Variants in TGFBR3 observed in about 807,000 individuals in gnomAD.
The protein encoded by TGFBR3 is transforming growth factor beta receptor 3, also known as transforming growth factor beta receptor type 3.
In TGFBR3, 46 loss-of-function variants were observed where a neutral mutation model predicts 87.9. The observed-to-expected ratio is 0.52, with a 90% CI of 0.41 to 0.67. The LOEUF (loss-of-function observed/expected upper bound fraction) is 0.67. Ranked by LOEUF, TGFBR3 falls within the 30% of genes least tolerant of loss-of-function variation. TGFBR3 has a pLI of 0.00. For synonymous variants in TGFBR3, 381 were observed against 391.6 expected, an observed-to-expected ratio of 0.97 and a Z score of 0.32; for missense variants, 866 against 1,041.9, an observed-to-expected ratio of 0.83 and a Z score of 2.32.
At chr1:91,701,757 A>G (rs1041807360) in intron 14 of TGFBR3, among the ~76,000 whole-genome samples, 1 of 152,170 alleles carries the variant, frequency 6.6e-6, no homozygotes, top group African/African-American at 2.4e-5. Flanking sequence ...AAGACGTCCA[A>G]CTGGTACCCA....
chr1:91,746,867 C>T (rs941291029), intron 4 of TGFBR3, among the ~76,000 whole-genome samples: 44 of 152,184 alleles, frequency 2.9e-4, no homozygotes, highest in African/African-American at 9.9e-4. Flanking sequence ...GACCTGGTTT[C>T]TCACTCTAGA....
At chr1:91,713,991 A>G (rs759210286) in intron 12 of TGFBR3, among the ~76,000 whole-genome samples, 17 of 150,574 alleles carry the variant, frequency 1.1e-4, no homozygotes, top group Non-Finnish European at 2.2e-4. Context: ...GGGAAAAAAT[A>G]TATATTATTT....
intron 1 of TGFBR3, among the ~76,000 whole-genome samples, chr1:91,868,703 T>C (rs1678474167): frequency 6.6e-6 from 1 of 152,160 alleles, no homozygotes; most frequent in Non-Finnish European, 1.5e-5. Context: ...TCGAGCAAAA[T>C]TCAGCATATC....
chr1:91,865,778 G>A (rs1678372432), intron 1 of TGFBR3, among the ~76,000 whole-genome samples: 1 of 152,048 alleles, frequency 6.6e-6, no homozygotes, highest in Non-Finnish European at 1.5e-5. Flanking sequence ...CGGGCGCGGT[G>A]GCAGGCACCT....
intron 4 of TGFBR3, among the ~76,000 whole-genome samples, chr1:91,753,873 A>G (rs552094966): frequency 7.4e-4 from 113 of 152,246 alleles, no homozygotes; most frequent in African/African-American, 2.6e-3. Context: ...GGTTGTTTCC[A>G]CTTTTTGGTT....
At chr1:91,715,624 C>T (rs1672138596) in intron 12 of TGFBR3, among the ~76,000 whole-genome samples, 1 of 152,036 alleles carries the variant, frequency 6.6e-6, no homozygotes, top group South Asian at 2.1e-4. Flanking sequence ...ACTCCAGATT[C>T]CAGATTTAGG....
intron 2 of TGFBR3, among the ~76,000 whole-genome samples, chr1:91,851,515 T>C (rs183649420): frequency 1.4e-3 from 209 of 152,190 alleles, no homozygotes; most frequent in African/African-American, 4.7e-3. Flanking sequence ...TGCTCCTACA[T>C]CACTTCCAAA....
At chr1:91,732,037 C>A (rs79431786) in intron 5 of TGFBR3, among the ~76,000 whole-genome samples, 1 of 152,098 alleles carries the variant, frequency 6.6e-6, no homozygotes, top group Non-Finnish European at 1.5e-5. Flanking sequence ...AAGGGGAATT[C>A]CCGGGTAGAA....
chr1:91,755,477 C>T (rs1673708360), intron 4 of TGFBR3, among the ~76,000 whole-genome samples: 1 of 152,158 alleles, frequency 6.6e-6, no homozygotes, highest in South Asian at 2.1e-4. Context: ...AGGAAGCCTG[C>T]TGGACAACAA....
intron 14 of TGFBR3, among the ~76,000 whole-genome samples, chr1:91,702,985 C>A (rs1340338356): frequency 6.6e-6 from 1 of 152,064 alleles, no homozygotes; most frequent in Non-Finnish European, 1.5e-5. Flanking sequence ...GCGGAGGTTG[C>A]AGTGAGCCGA....
intron 4 of TGFBR3, among the ~76,000 whole-genome samples, chr1:91,751,104 T>C (rs889374355): frequency 1.1e-4 from 17 of 152,170 alleles, no homozygotes; most frequent in Admixed American, 7.9e-4. Context: ...GTTGGATGAA[T>C]GAACAAGCAC....
intron 3 of TGFBR3, among the ~76,000 whole-genome samples, chr1:91,762,677 C>T (rs955527473): frequency 6.6e-6 from 1 of 152,210 alleles, no homozygotes; most frequent in Non-Finnish European, 1.5e-5. Flanking sequence ...TCTGCCACAT[C>T]CCTTATGTAA....
intron 4 of TGFBR3, among the ~76,000 whole-genome samples, chr1:91,744,811 C>T (rs966994349): frequency 3.3e-5 from 5 of 152,150 alleles, no homozygotes; most frequent in East Asian, 1.9e-4. Flanking sequence ...GTTTGAAGAA[C>T]GAGCAAGAAT....
At chr1:91,775,567 G>T (rs1304236211) in intron 3 of TGFBR3, among the ~76,000 whole-genome samples, 1 of 152,202 alleles carries the variant, frequency 6.6e-6, no homozygotes, top group Non-Finnish European at 1.5e-5. Context: ...TACCCAGGTA[G>T]CTCCACAACT....
intron 2 of TGFBR3, among the ~76,000 whole-genome samples, chr1:91,799,586 C>A (rs565605997): frequency 2.0e-5 from 3 of 152,316 alleles, no homozygotes; most frequent in African/African-American, 7.2e-5. Context: ...CACTGGGAAA[C>A]CCTTCTGAAC....
At chr1:91,876,554 A>G (rs1053564715) in intron 1 of TGFBR3, among the ~76,000 whole-genome samples, 8 of 149,104 alleles carry the variant, frequency 5.4e-5, no homozygotes, top group East Asian at 2.3e-4. Flanking sequence ...TTCAGTTCAA[A>G]GCATGGTAAA....
rs76650235 is a variant in TGFBR3 at position 91,858,066 on chromosome 1, C to T, written c.61+3405G>A. 9.9e-3 allele frequency among the ~76,000 whole-genome samples: 1,511 copies of T among 152,270 alleles called. 28 individuals carry two copies. Among genetic ancestry groups the T allele is most frequent in the African/African-American group, 0.034 (1,406 of 41,558 alleles). On this transcript the variant is annotated intron_variant, in intron 2 of 16. Transcript: ENST00000212355. ...TGACCTTAAGAAAGTTATTTGACCT[C>T]TCTGTGCTTCCATTTCCTCACTTAT...
intron 2 of TGFBR3, among the ~76,000 whole-genome samples, chr1:91,818,718 G>T (rs762528207): frequency 6.6e-6 from 1 of 152,154 alleles, no homozygotes; most frequent in African/African-American, 2.4e-5. Context: ...TGTAAACACA[G>T]ACCACGTTTG....
chr1:91,752,402 T>C (rs1446976898), intron 4 of TGFBR3, among the ~76,000 whole-genome samples: 4 of 151,952 alleles, frequency 2.6e-5, no homozygotes, highest in Non-Finnish European at 4.4e-5. Context: ...CACATTCACA[T>C]ACATTTGCTC....
Sources: allele counts gnomAD v4.1 joint callset (sites outside exome capture counted in the v4.1 genomes callset), GRCh38; gene constraint gnomAD v4.1.1; transcripts MANE v1.5; gene names NCBI Gene and HGNC (gene_info 2026-07-23, HGNC 2026-07-21).